Variants in SUMO2 observed in about 807,000 individuals in gnomAD.
SUMO2 encodes small ubiquitin-related modifier 2.
A neutral mutation model predicts 16.0 loss-of-function variants in SUMO2; 1 was observed. That is an observed-to-expected ratio of 0.06 (90% CI 0.02 to 0.30). SUMO2 has a LOEUF of 0.30. Ranked by LOEUF, SUMO2 falls within the 10% of genes least tolerant of loss-of-function variation. The pLI is 1.00. For synonymous variants in SUMO2, 36 were observed against 40.6 expected (o/e 0.89, Z 0.43); for missense variants, 16 against 117.5 (o/e 0.14, Z 3.99).
At chr17:75,181,555 T>C (rs115718157) in intron 1 of SUMO2, among the ~76,000 whole-genome samples, 4,372 of 152,278 alleles carry the variant, frequency 0.029, 200 homozygotes, top group African/African-American at 0.098. Flanking sequence ...TCCCTTCTCT[T>C]TTCTAAGCAC....
chr17:75,168,897 G>A (rs1376072989), intron 3 of SUMO2, among the ~76,000 whole-genome samples: 2 of 151,852 alleles, frequency 1.3e-5, no homozygotes, highest in Admixed American at 1.3e-4. Flanking sequence ...GAGCCACTGC[G>A]CCCAGCCAAA....
chr17:75,175,812 T>TA (rs1247655357), intron 2 of SUMO2, among the ~76,000 whole-genome samples: 1 of 151,772 alleles, frequency 6.6e-6, no homozygotes, highest in African/African-American at 2.4e-5. Context: ...TTTGTGTTTT[T>TA]AGTAGAGACA....
chr17:75,180,213 C>A (rs2074815939), intron 2 of SUMO2, among the ~76,000 whole-genome samples: 1 of 151,466 alleles, frequency 6.6e-6, no homozygotes, highest in Non-Finnish European at 1.5e-5. Context: ...ACTCAGGAGG[C>A]TGAGGCATAA....
chr17:75,182,870 A>G lies in SUMO2; in HGVS notation c.-36T>C, dbSNP rs2074840971. On this transcript the variant is annotated 5_prime_UTR_variant, in exon 1 of 4. Transcript: ENST00000420826. The stretch of plus-strand genomic sequence containing the variant: ...GGAGTCTCCTCAGCTGCCGCTTCAC[A>G]AAAGAGGTACCAGGTCCGCACCAAA... 7.2e-7 allele frequency: 1 copy of G among 1,381,162 alleles called. No individual in the cohort carries two copies. The highest frequency in any genetic ancestry group is 9.4e-7 in the Non-Finnish European group (1 of 1,059,180). 85.6% of individuals were successfully genotyped at this position (1,381,162 alleles called of 1,614,324 possible).
chr17:75,173,660 A>T (rs752824), intron 3 of SUMO2, among the ~76,000 whole-genome samples: 3 of 151,644 alleles, frequency 2.0e-5, no homozygotes, highest in Admixed American at 2.0e-4. Context: ...ATTTTTTTGT[A>T]AAGAGAGGGT....
Position 75,182,808 on chromosome 17 carries a change from G to T in SUMO2, c.21+6C>A. The stretch of plus-strand genomic sequence containing the variant: ...GGCGAGGCGAAGGGGCCGGCGGCGA[G>T]CTCACCTTGGGCTTTTCGTCGGCCA... On this transcript the variant is annotated splice_donor_region_variant and intron_variant, in intron 1 of 3. Transcript: ENST00000420826. The T allele has an allele frequency of 1.4e-6, 2 of 1,391,044 alleles. No individual in the cohort carries two copies. The highest frequency in any genetic ancestry group is 1.9e-6 in the Non-Finnish European group (2 of 1,065,086). The allele number at this position is 1,391,044 out of a possible 1,614,324, so 86.2% of individuals were successfully genotyped here.
rs1234137363 is a variant in SUMO2, at chr17:75,182,943, G to C, written c.-109C>G. 3 of 960,424 alleles carry C rather than the reference G, an allele frequency of 3.1e-6. No homozygotes were observed. Among genetic ancestry groups the C allele is most frequent in the South Asian group, 4.2e-5 (1 of 23,990 alleles). 59.5% of individuals were successfully genotyped at this position (960,424 alleles called of 1,614,324 possible). On this transcript the variant is annotated 5_prime_UTR_variant, in exon 1 of 4. Transcript: ENST00000420826. Reference sequence around the variant, plus strand: ...AGCGGCAGAAGAAGGAGGCGGCAGCGGTGGACGAGGGGAGAGGGTGCGCGC... The same window carrying C: ...AGCGGCAGAAGAAGGAGGCGGCAGCCGTGGACGAGGGGAGAGGGTGCGCGC...
At position 75,166,124 on chromosome 17, in the gene SUMO2, G is replaced by A. The variant is rs2074691154; in HGVS notation, c.*2215C>T. 6.6e-6 allele frequency: 1 copy of A among 152,084 alleles called. No homozygotes were observed. The highest frequency in any genetic ancestry group is 6.6e-5 in the Admixed American group (1 of 15,224). The allele number at this position is 152,084 out of a possible 1,614,324, so 9.4% of individuals were successfully genotyped here. On this transcript the variant is annotated 3_prime_UTR_variant, in exon 4 of 4. Coordinates refer to ENST00000420826, the MANE Select transcript of SUMO2 (RefSeq NM_006937.4). ...TGGGAGGCCAAGACAAGGGACTGAG[G>A]CCAGAAGTTCGAGACCAAACTGGTC...
chr17:75,172,487 A>ATT (rs566106618), intron 3 of SUMO2, among the ~76,000 whole-genome samples: 22 of 129,116 alleles, frequency 1.7e-4, no homozygotes, highest in East Asian at 6.7e-4. Context: ...GCCTGGCTAA[A>ATT]TTTTTTTTTT....
chr17:75,181,312 A>AG, intron 1 of SUMO2, 124 bp from the exon 2 acceptor site: 2 of 987,728 alleles, frequency 2.0e-6, no homozygotes, highest in Non-Finnish European at 3.0e-6. Flanking sequence ...CTAAAACGGC[A>AG]TACTGCTGTT....
intron 3 of SUMO2, 102 bp from the exon 4 acceptor site, chr17:75,168,503 GTTCCAAGT>G: frequency 1.0e-6 from 1 of 961,482 alleles, no homozygotes; most frequent in Non-Finnish European, 1.5e-6. Context: ...GTTCCACTAA[GTTCCAAGT>G]TTCATTATTT....
intron 3 of SUMO2, among the ~76,000 whole-genome samples, chr17:75,172,684 G>A (rs960266966): frequency 6.6e-6 from 1 of 151,472 alleles, no homozygotes; most frequent in Non-Finnish European, 1.5e-5. Context: ...CATGTTGGTC[G>A]GAGTGGTCTC....
chr17:75,173,255 C>T (rs1019760882), intron 3 of SUMO2, among the ~76,000 whole-genome samples: 2 of 152,268 alleles, frequency 1.3e-5, no homozygotes, highest in South Asian at 4.1e-4. Flanking sequence ...CCTGAAACTC[C>T]TGGACTCAAG....
intron 2 of SUMO2, among the ~76,000 whole-genome samples, 170 bp from the exon 3 acceptor site, chr17:75,174,993 C>T (rs1257694930): frequency 1.3e-5 from 2 of 151,808 alleles, no homozygotes; most frequent in Admixed American, 6.6e-5. Flanking sequence ...TTTTCATTTT[C>T]TTTTTTTTGA....
chr17:75,175,392 C>T (rs538678743), intron 2 of SUMO2, among the ~76,000 whole-genome samples: 4 of 152,050 alleles, frequency 2.6e-5, no homozygotes, highest in Admixed American at 2.0e-4. Flanking sequence ...GCGATCTCGG[C>T]TCACTGCAAC....
chr17:75,172,082 C>CACTGCAACCT (rs1435641692), intron 3 of SUMO2, among the ~76,000 whole-genome samples: 3 of 151,270 alleles, frequency 2.0e-5, no homozygotes, highest in Non-Finnish European at 4.4e-5. Flanking sequence ...CCTCCGCGCT[C>CACTGCAACCT]ACTGCAACCT....
chr17:75,170,613 C>T (rs569967056), intron 3 of SUMO2, among the ~76,000 whole-genome samples: 42 of 151,458 alleles, frequency 2.8e-4, no homozygotes, highest in Non-Finnish European at 4.9e-4. Context: ...AAAAAACCCA[C>T]GGCAGGCGTG....
At chr17:75,177,435 T>C (rs1408841573) in intron 2 of SUMO2, among the ~76,000 whole-genome samples, 1 of 151,910 alleles carries the variant, frequency 6.6e-6, no homozygotes, top group Non-Finnish European at 1.5e-5. Context: ...TCCCAACATT[T>C]TGGAAGGCCA....
intron 3 of SUMO2, among the ~76,000 whole-genome samples, chr17:75,172,425 T>G (rs941785515): frequency 2.0e-5 from 3 of 151,026 alleles, no homozygotes; most frequent in African/African-American, 7.3e-5. Context: ...GTTCAGGTGA[T>G]TCTCCTGCCT....
Sources: gnomAD v4.1 joint callset for allele counts (sites outside exome capture counted in the v4.1 genomes callset) on GRCh38, gnomAD v4.1.1 for gene constraint, MANE v1.5 for transcripts, NCBI Gene and HGNC (gene_info 2026-07-23, HGNC 2026-07-21) for gene names.